Variants in MYL1 observed in about 807,000 individuals in gnomAD.
The protein encoded by MYL1 is myosin light chain 1.
Under a neutral mutation model 21.8 loss-of-function variants are expected in MYL1, and 16 were observed. That is an observed-to-expected ratio of 0.74 (90% CI 0.50 to 1.12). The LOEUF is 1.12. Among genes scored for constraint, MYL1 ranks in the 50% most tolerant of loss-of-function variants. MYL1 has a pLI of 0.00. For synonymous variants in MYL1, 99 were observed against 85.2 expected, an observed-to-expected ratio of 1.16 and a Z score of -0.89; for missense variants, 246 against 241.0, an observed-to-expected ratio of 1.02 and a Z score of -0.14.
At chr2:210,314,297 C>T (rs188194356) in intron 1 of MYL1, among the ~76,000 whole-genome samples, 7 of 152,086 alleles carry the variant, frequency 4.6e-5, no homozygotes, top group Non-Finnish European at 8.8e-5. Flanking sequence ...TATAAATAAA[C>T]AAGATGACAG....
At chr2:210,303,486 A>G in intron 1 of MYL1, 1 of 1,539,306 alleles carries the variant, frequency 6.5e-7, no homozygotes, top group Non-Finnish European at 8.9e-7. Context: ...CAATAAGATC[A>G]TATCCTCTAT....
At chr2:210,298,648 ACT>A in intron 2 of MYL1, 85 bp from the exon 3 acceptor site, 1 of 1,474,600 alleles carries the variant, frequency 6.8e-7, no homozygotes, top group Non-Finnish European at 9.2e-7. Context: ...TTCAGTTCAA[ACT>A]CTTCAGTTTT....
intron 3 of MYL1, among the ~76,000 whole-genome samples, chr2:210,296,718 A>G (rs62203003): frequency 0.35 from 52,956 of 151,906 alleles, 10,022 homozygotes; most frequent in Middle Eastern, 0.49. Context: ...GAATTTATTC[A>G]GAACCCTGGA....
Position 210,312,775 on chromosome 2 carries a change from G to A in MYL1, c.132+2136C>T, listed in dbSNP as rs938315735. On this transcript the variant is annotated intron_variant, in intron 1 of 6. Transcript: ENST00000352451. ...GATTCATTTAACTTCTTTTTGATTT[G>A]TGTCCCTTACTAGAATCCATCACAT... Among the ~76,000 whole-genome samples, 9 of 150,844 alleles carry A rather than the reference G, an allele frequency of 6.0e-5. 1 individual carries two copies. In the East Asian group the frequency reaches 1.6e-3, roughly 26 times the overall value.
rs1186306269 is a variant in MYL1, at chr2:210,302,739, T to G, written c.133-224A>C. ...GAAACTAGGCAGTGCTGTGCCTACA[T>G]CTGTAGCAGACAAACTCAATTCACT... On this transcript the variant is annotated intron_variant, in intron 1 of 6. Transcript: ENST00000352451. 6 of 1,562,948 alleles carry G rather than the reference T, an allele frequency of 3.8e-6. No homozygotes were observed. In the South Asian group the frequency reaches 7.1e-5, roughly 18 times the overall value.
At chr2:210,294,111 T>G (rs963402800) in intron 4 of MYL1, 134 bp downstream of exon 4, 3 of 987,980 alleles carry the variant, frequency 3.0e-6, no homozygotes, top group Non-Finnish European at 4.3e-6. Context: ...AAATGGTCAT[T>G]AACTTTTGAC....
rs781273168 is a variant in MYL1 at position 210,308,456 on chromosome 2, T to C, written c.133-5941A>G. The stretch of plus-strand genomic sequence containing the variant: ...TATATATATATTCTAGTCACTATAA[T>C]ATGGTATAAACAGGGGAAATTAAGA... On this transcript the variant is annotated intron_variant, in intron 1 of 6. Coordinates refer to ENST00000352451, the MANE Select transcript of MYL1 (RefSeq NM_079420.3). Among the ~76,000 whole-genome samples the C allele has an allele frequency of 5.6e-4, 73 of 130,700 alleles. 2 individuals are homozygous for C. The highest frequency in any genetic ancestry group is 8.0e-3 in the Middle Eastern group (2 of 250). 85.7% of individuals were successfully genotyped at this position (130,700 alleles called of 152,430 possible). A position where few individuals can be genotyped will look rare whatever the true frequency, so the allele number is the denominator to read the frequency against.
intron 5 of MYL1, among the ~76,000 whole-genome samples, chr2:210,292,816 T>C (rs1200584118): frequency 1.3e-5 from 2 of 152,226 alleles, no homozygotes; most frequent in African/African-American, 4.8e-5. Context: ...GATTTGACTT[T>C]ATTTTCTAGA....
chr2:210,314,020 A>G (rs1184298420), intron 1 of MYL1, among the ~76,000 whole-genome samples: 2 of 152,142 alleles, frequency 1.3e-5, no homozygotes, highest in Non-Finnish European at 2.9e-5. Context: ...AACTCAGTGA[A>G]TGAAGAGAAG....
chr2:210,298,551 G>C lies in MYL1; in HGVS notation c.173C>G (p.Ala58Gly), dbSNP rs1287422283. The C allele has an allele frequency of 2.5e-6, 4 of 1,613,794 alleles. No homozygotes were observed. Among genetic ancestry groups the C allele is most frequent in the Non-Finnish European group, 8.5e-7 (1 of 1,179,948 alleles). The change falls in exon 3 of 7, where the codon GCA (alanine) becomes GGA (glycine). Residue 58 changes from alanine (A) to glycine (G), a missense_variant. Ala to Gly is a moderately conservative substitution (Grantham distance 60). Coordinates refer to ENST00000352451, the MANE Select transcript of MYL1 (RefSeq NM_079420.3). ...ACCTGTTCTGTCAAACAGGAGAAAT[G>C]CCTCCTTGAATTCTGCAAAAAGCAA... ...SKEQQDEFKE[A>G]FLLFDRTGDS...
rs544512174 is a variant in MYL1 at position 210,302,956 on chromosome 2, G to A, written c.133-441C>T. The A allele has an allele frequency of 7.9e-4, 499 of 635,072 alleles. 1 individual carries two copies. In the African/African-American group the frequency reaches 8.2e-3, roughly 10 times the overall value. 39.3% of individuals were successfully genotyped at this position (635,072 alleles called of 1,614,324 possible). ...ACTTTTGAATCTAGGAACATAAAAAGCTATTGCAAAAGATAATTAGGGAAT... is the reference window on the plus strand; with the variant it reads ...ACTTTTGAATCTAGGAACATAAAAAACTATTGCAAAAGATAATTAGGGAAT... On this transcript the variant is annotated intron_variant, in intron 1 of 6. Coordinates refer to ENST00000352451, the MANE Select transcript of MYL1 (RefSeq NM_079420.3).
chr2:210,314,371 CA>C (rs1451679519), intron 1 of MYL1, among the ~76,000 whole-genome samples: 2 of 152,080 alleles, frequency 1.3e-5, no homozygotes, highest in African/African-American at 4.8e-5. Flanking sequence ...AGTGTTGTAT[CA>C]AATTTTATTA....
At chr2:210,298,357 C>T in intron 3 of MYL1, 63 bp downstream of exon 3, 1 of 1,574,772 alleles carries the variant, frequency 6.4e-7, no homozygotes, top group Non-Finnish European at 8.7e-7. Context: ...CACACACACA[C>T]ACACACACAC....
intron 1 of MYL1, among the ~76,000 whole-genome samples, chr2:210,312,456 G>T (rs2125745226): frequency 6.6e-6 from 1 of 151,764 alleles, no homozygotes; most frequent in South Asian, 2.1e-4. Flanking sequence ...ATTATTAAGT[G>T]ATTAAAAACA....
At chr2:210,307,096 A>G (rs1302782064) in intron 1 of MYL1, among the ~76,000 whole-genome samples, 1 of 152,158 alleles carries the variant, frequency 6.6e-6, no homozygotes, top group East Asian at 1.9e-4. Context: ...GTTTCCCTTG[A>G]AAGAAACGTT....
intron 1 of MYL1, among the ~76,000 whole-genome samples, chr2:210,311,641 A>T (rs1053856441): frequency 6.6e-6 from 1 of 151,994 alleles, no homozygotes; most frequent in Non-Finnish European, 1.5e-5. Flanking sequence ...TCACTTACAC[A>T]TTGAAGATCT....
At chr2:210,308,718 C>A (rs1431324504) in intron 1 of MYL1, among the ~76,000 whole-genome samples, 1 of 151,754 alleles carries the variant, frequency 6.6e-6, no homozygotes, top group African/African-American at 2.4e-5. Context: ...AGAAGCACAA[C>A]CTGTTATACT....
chr2:210,293,890 A>G (rs1690125151), intron 4 of MYL1, 90 bp from the exon 5 acceptor site: 5 of 1,111,828 alleles, frequency 4.5e-6, no homozygotes, highest in Non-Finnish European at 6.8e-6. Context: ...TCTGGAGACT[A>G]AACTCTTGAC....
chr2:210,307,799 A>T (rs1169723267), intron 1 of MYL1, among the ~76,000 whole-genome samples: 1 of 152,194 alleles, frequency 6.6e-6, no homozygotes, highest in Non-Finnish European at 1.5e-5. Context: ...AGATTAAATT[A>T]ACTAATTAAA....
Sources: allele counts gnomAD v4.1 joint callset (sites outside exome capture counted in the v4.1 genomes callset), GRCh38; gene constraint gnomAD v4.1.1; transcripts MANE v1.5; gene names NCBI Gene and HGNC (gene_info 2026-07-23, HGNC 2026-07-21).